The following DAOA variants were observed in gnomAD, a reference collection of about 807,000 sequenced individuals.
DAOA encodes D-amino acid oxidase activator.
DAOA carries 15 observed loss-of-function variants against 16.4 expected under a neutral mutation model. The observed-to-expected ratio is 0.91, with a 90% CI of 0.61 to 1.41. The LOEUF is 1.41. DAOA is among the 40% of genes most tolerant of loss of function. The pLI is 0.00. For synonymous variants in DAOA, 75 were observed against 59.1 expected (o/e 1.27, Z -1.23); for missense variants, 230 against 176.8 (o/e 1.30, Z -1.71).
At chr13:105,478,011 TG>T (rs1406117865) in intron 4 of DAOA, among the ~76,000 whole-genome samples, 3 of 152,212 alleles carry the variant, frequency 2.0e-5, no homozygotes, top group Non-Finnish European at 4.4e-5. Context: ...AGATCTCTAC[TG>T]TGCAGTATTA....
chr13:105,480,628 C>T (rs1041663216), intron 4 of DAOA, among the ~76,000 whole-genome samples: 2 of 151,824 alleles, frequency 1.3e-5, no homozygotes, highest in Non-Finnish European at 1.5e-5. Context: ...CCAGACAAGC[C>T]ATCTGCAAGC....
At chr13:105,483,731 A>T (rs1877912372) in intron 4 of DAOA, among the ~76,000 whole-genome samples, 1 of 151,596 alleles carries the variant, frequency 6.6e-6, no homozygotes. Flanking sequence ...TACTTTCTGG[A>T]TACAAATCTT....
intron 4 of DAOA, among the ~76,000 whole-genome samples, chr13:105,476,442 C>G (rs1462664229): frequency 7.0e-6 from 1 of 142,282 alleles, no homozygotes; most frequent in African/African-American, 2.6e-5. Context: ...AGAATAAAAA[C>G]AACAACAAAA....
intron 4 of DAOA, among the ~76,000 whole-genome samples, chr13:105,474,675 C>G (rs994423083): frequency 6.6e-6 from 1 of 151,938 alleles, no homozygotes; most frequent in Non-Finnish European, 1.5e-5. Context: ...TGAAACAAAT[C>G]GGCTGCAAGA....
intron 2 of DAOA, 63 bp from the exon 3 acceptor site, chr13:105,466,990 C>G: frequency 6.5e-7 from 1 of 1,533,960 alleles, no homozygotes; most frequent in South Asian, 1.3e-5. Flanking sequence ...GTTGCTTATT[C>G]TTTCTCTCTT....
intron 4 of DAOA, among the ~76,000 whole-genome samples, chr13:105,478,706 C>T (rs1186275481): frequency 1.3e-5 from 2 of 152,134 alleles, no homozygotes; most frequent in Non-Finnish European, 2.9e-5. Flanking sequence ...AACTGTATTG[C>T]AATTAAAAAT....
chr13:105,472,393 G>A lies in DAOA; in HGVS notation c.134-145G>A, dbSNP rs200496762. On this transcript the variant is annotated intron_variant, in intron 3 of 5. Transcript: ENST00000375936. ...ACAGATGACATTTGAGTCTCTGAGGGAATTTTGTCTTAACCAAAAACCTCT... is the reference window on the plus strand; with the variant it reads ...ACAGATGACATTTGAGTCTCTGAGGAAATTTTGTCTTAACCAAAAACCTCT... 108 of 1,101,138 alleles carry A rather than the reference G, an allele frequency of 9.8e-5. 3 individuals are homozygous for A. The East Asian group carries it at 2.1e-3, about 22-fold the overall frequency. 68.2% of individuals were successfully genotyped at this position (1,101,138 alleles called of 1,614,324 possible).
intron 3 of DAOA, 85 bp from the exon 4 acceptor site, chr13:105,472,453 G>A (rs1392865920): frequency 3.5e-6 from 5 of 1,434,640 alleles, no homozygotes; most frequent in East Asian, 2.6e-5. Flanking sequence ...TCCTACAATC[G>A]CTCCACAGTC....
rs920267896 is a variant in DAOA, at chr13:105,466,265, A to T, written c.-24A>T. ...GTCTCATCTCTGCTTCACAATGCCG[A>T]TGATTTAGCTGGGAGGACCCAAAAT... On this transcript the variant is annotated 5_prime_UTR_variant, in exon 2 of 6. An upstream start codon of the reference 5' UTR is lost. Coordinates refer to ENST00000375936, the MANE Select transcript of DAOA (RefSeq NM_172370.5). The T allele has an allele frequency of 1.2e-6, 2 of 1,613,852 alleles. No homozygotes were observed. The highest frequency in any genetic ancestry group is 2.7e-5 in the African/African-American group (2 of 74,936).
At chr13:105,478,003 A>G (rs908992352) in intron 4 of DAOA, among the ~76,000 whole-genome samples, 2 of 152,188 alleles carry the variant, frequency 1.3e-5, no homozygotes, top group Non-Finnish European at 2.9e-5. Context: ...TTTTCAAAAG[A>G]TCTCTACTGT....
At chr13:105,476,768 C>T (rs745571708) in intron 4 of DAOA, among the ~76,000 whole-genome samples, 25 of 152,028 alleles carry the variant, frequency 1.6e-4, no homozygotes, top group Middle Eastern at 3.4e-3. Flanking sequence ...CTGGTGAGTA[C>T]TCTAACTCAA....
rs747982543 is a variant in DAOA, at chr13:105,489,748, G to A, written c.282-153G>A. ...TGACCCACATAATCTTGACTTCTTG[G>A]TGGTCACACATTTGTATAACCCCTT... On this transcript the variant is annotated intron_variant, in intron 4 of 5. Transcript: ENST00000375936. 13 of 1,514,220 alleles carry A rather than the reference G, an allele frequency of 8.6e-6. No homozygotes were observed. In the South Asian group the frequency reaches 1.5e-4, roughly 17 times the overall value. The allele number at this position is 1,514,220 out of a possible 1,614,324, so 93.8% of individuals were successfully genotyped here.
intron 3 of DAOA, among the ~76,000 whole-genome samples, chr13:105,470,346 C>A (rs1876845775): frequency 6.6e-6 from 1 of 152,024 alleles, no homozygotes; most frequent in East Asian, 1.9e-4. Flanking sequence ...GGCAACTTGT[C>A]TCACTTTCCT....
At chr13:105,466,032 G>T (rs1047549350), upstream of DAOA, 1 of 395,476 alleles carries the variant, frequency 2.5e-6, no homozygotes, top group African/African-American at 2.1e-5. Flanking sequence ...TGGAAAGCCA[G>T]AAAGTAGAGT....
intron 3 of DAOA, chr13:105,467,750 A>G (rs1478552628): frequency 6.9e-6 from 1 of 145,604 alleles, no homozygotes; most frequent in African/African-American, 2.5e-5. Context: ...TTTTTTTTCA[A>G]AGAGACAAAT....
Position 105,466,316 on chromosome 13 carries a change from T to G in DAOA, c.28T>G (p.Ser10Ala), listed in dbSNP as rs1167301436. 1 of 1,613,952 alleles carries G rather than the reference T, an allele frequency of 6.2e-7. No homozygotes were observed. The highest frequency in any genetic ancestry group is 8.5e-7 in the Non-Finnish European group (1 of 1,179,980). Reference protein sequence around the residue: MLEKLMGADSLQLFRSRYTL... With the variant: MLEKLMGADALQLFRSRYTL... The stretch of plus-strand genomic sequence containing the variant: ...GCTGGAAAAGCTGATGGGTGCTGAT[T>G]CTCTCCAGCTTTTCAGGTAGGTAGC... The change falls in exon 2 of 6, where the codon TCT (serine) becomes GCT (alanine). Residue 10 changes from serine to alanine, a missense_variant. Coordinates refer to ENST00000375936, the MANE Select transcript of DAOA (RefSeq NM_172370.5).
intron 4 of DAOA, among the ~76,000 whole-genome samples, chr13:105,483,760 G>A (rs1217983103): frequency 6.6e-6 from 1 of 151,308 alleles, no homozygotes; most frequent in Non-Finnish European, 1.5e-5. Context: ...TATAACCTTT[G>A]TAAATCTTTT....
chr13:105,478,210 G>T (rs962059923), intron 4 of DAOA, among the ~76,000 whole-genome samples: 5 of 152,124 alleles, frequency 3.3e-5, no homozygotes, highest in Non-Finnish European at 7.4e-5. Flanking sequence ...TTACACAAAT[G>T]TACCTTATAC....
At chr13:105,468,289 C>T (rs1463555017) in intron 3 of DAOA, among the ~76,000 whole-genome samples, 1 of 152,170 alleles carries the variant, frequency 6.6e-6, no homozygotes, top group African/African-American at 2.4e-5. Flanking sequence ...AAGAACTGGA[C>T]ATTTTTGGGG....
Sources: allele counts gnomAD v4.1 joint callset (sites outside exome capture counted in the v4.1 genomes callset), GRCh38; gene constraint gnomAD v4.1.1; transcripts MANE v1.5; gene names NCBI Gene and HGNC (gene_info 2026-07-23, HGNC 2026-07-21).